Variants in FAM169A observed in about 807,000 individuals in gnomAD.
The protein encoded by FAM169A is family with sequence similarity 169 member A, also known as soluble lamin-associated protein of 75 kDa.
Under a neutral mutation model 75.7 loss-of-function variants are expected in FAM169A, and 24 were observed. The observed-to-expected ratio is 0.32, with a 90% CI of 0.23 to 0.45. The LOEUF (loss-of-function observed/expected upper bound fraction) is 0.45. Among genes scored for constraint, FAM169A ranks in the 20% least tolerant of loss-of-function variants. The pLI is 1.00. For missense variants in FAM169A, 673 were observed against 784.0 expected (o/e 0.86, Z 1.69); for synonymous variants, 271 against 271.0 (o/e 1.00, Z 0.00).
chr5:74,845,265 TC>T (rs1554052775), intron 1 of FAM169A, among the ~76,000 whole-genome samples: 3 of 152,120 alleles, frequency 2.0e-5, no homozygotes, highest in Non-Finnish European at 4.4e-5. Context: ...ACGCCTGTAA[TC>T]CCAGCACTTT....
At chr5:74,821,404 G>A (rs1747759233) in intron 5 of FAM169A, among the ~76,000 whole-genome samples, 1 of 152,102 alleles carries the variant, frequency 6.6e-6, no homozygotes, top group East Asian at 1.9e-4. Flanking sequence ...TTCATTCTTT[G>A]TCCACCCAGG....
Position 74,796,022 on chromosome 5 carries a change from T to C in FAM169A, c.1260+8A>G, listed in dbSNP as rs750809335. On this transcript the variant is annotated splice_region_variant and intron_variant, in intron 11 of 12. Coordinates refer to ENST00000687041, the MANE Select transcript of FAM169A (RefSeq NM_001376049.1). ...TTTTTTCATTTTGCTGAATAAGTGA[T>C]CTCATACCTTTTCACCATCTTGCTT... 6.2e-7 allele frequency: 1 copy of C among 1,610,694 alleles called. No individual in the cohort carries two copies. The highest frequency in any genetic ancestry group is 8.5e-7 in the Non-Finnish European group (1 of 1,179,176).
intron 11 of FAM169A, among the ~76,000 whole-genome samples, chr5:74,795,495 A>G (rs1395031207): frequency 1.3e-5 from 2 of 152,252 alleles, no homozygotes; most frequent in South Asian, 4.1e-4. Flanking sequence ...ACCCAGATGA[A>G]GAGTTTACTT....
At chr5:74,843,036 C>A (rs912749288) in intron 1 of FAM169A, among the ~76,000 whole-genome samples, 2 of 151,330 alleles carry the variant, frequency 1.3e-5, no homozygotes, top group African/African-American at 4.9e-5. Context: ...AGTCTTCATA[C>A]ATACAACGTA....
chr5:74,839,338 TG>T (rs970419239), intron 3 of FAM169A, among the ~76,000 whole-genome samples: 3 of 151,618 alleles, frequency 2.0e-5, no homozygotes, highest in African/African-American at 4.9e-5. Flanking sequence ...TGGGTCAGGG[TG>T]GGGGGGTCCC....
chr5:74,819,221 GAA>G (rs768974417), intron 5 of FAM169A, among the ~76,000 whole-genome samples: 5 of 80,828 alleles, frequency 6.2e-5, no homozygotes, highest in South Asian at 6.8e-4. Context: ...TCGTCTCAAA[GAA>G]AAAAAAAAAA....
At chr5:74,804,317 G>A (rs943936601) in intron 8 of FAM169A, among the ~76,000 whole-genome samples, 176 bp downstream of exon 8, 1 of 151,886 alleles carries the variant, frequency 6.6e-6, no homozygotes, top group African/African-American at 2.4e-5. Flanking sequence ...ATTTTTCAAA[G>A]AAAATTAAAG....
intron 1 of FAM169A, among the ~76,000 whole-genome samples, chr5:74,864,776 G>A (rs1449567743): frequency 2.0e-5 from 3 of 152,200 alleles, no homozygotes; most frequent in Non-Finnish European, 2.9e-5. Flanking sequence ...AGACGATCAT[G>A]TTTTATCTTT....
At chr5:74,807,366 T>A (rs544976221) in intron 6 of FAM169A, among the ~76,000 whole-genome samples, 1 of 152,186 alleles carries the variant, frequency 6.6e-6, no homozygotes, top group Non-Finnish European at 1.5e-5. Flanking sequence ...CTGTAGAGTA[T>A]TGGTTGGTTG....
rs1220463367 is a variant in FAM169A, at chr5:74,779,453, AAAAAT to A, written c.*2002_*2006del. On this transcript the variant is annotated 3_prime_UTR_variant, in exon 13 of 13. Coordinates refer to ENST00000687041, the MANE Select transcript of FAM169A (RefSeq NM_001376049.1). ...GAAAGTATTTTAAACAAATCCAAGT[AAAAAT>A]AAAATATCTACAAGTGTTTTCAAAT... 3 of 152,186 alleles carry A rather than the reference AAAAAT, an allele frequency of 2.0e-5. No individual in the cohort carries two copies. The highest frequency in any genetic ancestry group is 6.5e-5 in the Admixed American group (1 of 15,282). The allele number at this position is 152,186 out of a possible 1,614,324, so 9.4% of individuals were successfully genotyped here.
In FAM169A at chr5:74,778,745, T is replaced by G. The variant is rs1006017950; in HGVS notation, c.*2715A>C. ...ATACTAATAACCATCTGCTTTATAT[T>G]ACACAAGGAAATATACACGTATGTA... is the stretch of plus-strand genomic sequence containing the variant. On this transcript the variant is annotated 3_prime_UTR_variant, in exon 13 of 13. Transcript: ENST00000687041. 2 of 152,068 alleles carry G rather than the reference T, an allele frequency of 1.3e-5. No homozygotes were observed. Among genetic ancestry groups the G allele is most frequent in the African/African-American group, 4.8e-5 (2 of 41,444 alleles). 9.4% of individuals were successfully genotyped at this position (152,068 alleles called of 1,614,324 possible).
Position 74,781,615 on chromosome 5 carries a change from C to T in FAM169A, c.1858G>A (p.Glu620Lys), listed in dbSNP as rs201025077. The T allele has an allele frequency of 1.1e-5, 18 of 1,614,152 alleles. No homozygotes were observed. The highest frequency in any genetic ancestry group is 1.5e-5 in the Non-Finnish European group (18 of 1,180,030). Reference sequence around the variant, plus strand: ...GATTGTGTAAACTGATCCAGTTGCTCGGAAGATGCTTCAGACTGCTCCTCT... The same window carrying T: ...GATTGTGTAAACTGATCCAGTTGCTTGGAAGATGCTTCAGACTGCTCCTCT... ...QSEEQSEASS[E>K]QLDQFTQSAE... is the part of the protein sequence containing the mutation. Residue 620 changes from glutamate to lysine, a missense_variant, in exon 13 of 13, where the codon GAG (glutamate) becomes AAG (lysine). Physicochemically the swap from Glu to Lys is moderately conservative, Grantham distance 56. Around this residue, in one of 3 missense-constraint regions of FAM169A, gnomAD observed 510 missense variants for 550.9 expected, o/e 0.93. Coordinates refer to ENST00000687041, the MANE Select transcript of FAM169A (RefSeq NM_001376049.1).
intron 5 of FAM169A, among the ~76,000 whole-genome samples, chr5:74,830,967 T>C (rs1748282674): frequency 1.3e-5 from 2 of 152,292 alleles, no homozygotes; most frequent in South Asian, 4.1e-4. Context: ...TTATTGAATC[T>C]TCTCTTCTCA....
intron 6 of FAM169A, among the ~76,000 whole-genome samples, chr5:74,805,540 T>C (rs1746828516): frequency 7.1e-6 from 1 of 141,808 alleles, no homozygotes; most frequent in Admixed American, 7.1e-5. Flanking sequence ...TTTTTTTTTT[T>C]TTTTTTTGGA....
At position 74,800,039 on chromosome 5, in the gene FAM169A, T is replaced by C. The variant is rs190474236; in HGVS notation, c.1103+841A>G. ...GCAAATATTGCACTACTGGCATCGA[T>C]GGAGAGCCATGACAATTTGGGATTT... On this transcript the variant is annotated intron_variant, in intron 10 of 12. Transcript: ENST00000687041. 1,609 of 738,670 alleles carry C rather than the reference T, an allele frequency of 2.2e-3. 16 individuals are homozygous for C. The highest frequency in any genetic ancestry group is 0.016 in the African/African-American group (939 of 58,030). The allele number at this position is 738,670 out of a possible 1,614,324, so 45.8% of individuals were successfully genotyped here.
Position 74,834,516 on chromosome 5 carries a change from T to C in FAM169A, c.400A>G (p.Ile134Val), listed in dbSNP as rs1748472278. 6.2e-7 allele frequency: 1 copy of C among 1,604,164 alleles called. No individual in the cohort carries two copies. The highest frequency in any genetic ancestry group is 8.5e-7 in the Non-Finnish European group (1 of 1,175,436). Reference sequence around the variant, plus strand: ...GTACTGCTATGACACAGGAATGGGATCTCATTTCTCTCCATTTCCTGTTTT... The same window carrying C: ...GTACTGCTATGACACAGGAATGGGACCTCATTTCTCTCCATTTCCTGTTTT... Reference protein sequence around the residue: ...YRKQEMERNEIPFLCHSSTDY... With the variant: ...YRKQEMERNEVPFLCHSSTDY... Residue 134 changes from isoleucine (I) to valine (V), a missense_variant, in exon 5 of 13, where the codon ATC (isoleucine) becomes GTC (valine). This residue lies in a region of FAM169A where 107 missense variants were observed against 180.8 expected (regional missense o/e 0.59). Coordinates refer to ENST00000687041, the MANE Select transcript of FAM169A (RefSeq NM_001376049.1).
intron 1 of FAM169A, among the ~76,000 whole-genome samples, chr5:74,860,853 C>G (rs1339356488): frequency 7.0e-6 from 1 of 142,852 alleles, no homozygotes; most frequent in African/African-American, 2.6e-5. Context: ...AAAAAAAAGT[C>G]TAGGCCGGAC....
At chr5:74,799,623 C>A in intron 10 of FAM169A, 1 of 1,419,376 alleles carries the variant, frequency 7.0e-7, no homozygotes, top group Non-Finnish European at 9.9e-7. Flanking sequence ...TCCACGGGGT[C>A]AGCTTCTCCG....
chr5:74,835,957 C>T (rs949281458), intron 4 of FAM169A, among the ~76,000 whole-genome samples: 4 of 152,284 alleles, frequency 2.6e-5, no homozygotes, highest in Admixed American at 6.5e-5. Context: ...CCCTAAATTT[C>T]ACAGCAATGT....
Sources: allele counts gnomAD v4.1 joint callset (sites outside exome capture counted in the v4.1 genomes callset), GRCh38; gene constraint gnomAD v4.1.1; regional missense constraint gnomAD v4.1.1; transcripts MANE v1.5; gene names NCBI Gene and HGNC (gene_info 2026-07-23, HGNC 2026-07-21).